The following COL4A2 variants were observed in gnomAD, a reference collection of about 807,000 sequenced individuals.
COL4A2 encodes the protein collagen type IV alpha 2 chain, also known as collagen alpha-2(IV) chain.
A neutral mutation model predicts 200.2 loss-of-function variants in COL4A2; 99 were observed. The observed-to-expected ratio is 0.49, with a 90% CI of 0.42 to 0.58. The LOEUF (loss-of-function observed/expected upper bound fraction) is 0.58. Ranked by LOEUF, COL4A2 falls within the 20% of genes least tolerant of loss-of-function variation. The pLI, the probability that COL4A2 is intolerant of heterozygous loss-of-function variation, is 0.00. For missense variants in COL4A2, 1,950 were observed against 2,314.1 expected, an observed-to-expected ratio of 0.84 and a Z score of 3.23; for synonymous variants, 897 against 900.6, an observed-to-expected ratio of 1.00 and a Z score of 0.07.
At chr13:110,477,300 C>G (rs1406273142) in intron 29 of COL4A2, among the ~76,000 whole-genome samples, 1 of 152,220 alleles carries the variant, frequency 6.6e-6, no homozygotes, top group Non-Finnish European at 1.5e-5. Flanking sequence ...GCGGATCCCC[C>G]GACACCACGT....
intron 4 of COL4A2, among the ~76,000 whole-genome samples, chr13:110,420,902 G>T (rs1359831890): frequency 3.3e-5 from 5 of 152,216 alleles, no homozygotes; most frequent in Non-Finnish European, 7.3e-5. Flanking sequence ...AGCGGAGAGG[G>T]ATCCATCTGG....
intron 34 of COL4A2, among the ~76,000 whole-genome samples, chr13:110,487,625 A>G (rs1237654517): frequency 2.6e-5 from 4 of 152,368 alleles, no homozygotes; most frequent in Admixed American, 6.5e-5. Flanking sequence ...TTATCTGTGC[A>G]TTTTATCTCC....
At position 110,501,796 on chromosome 13, in the gene COL4A2, T is replaced by TTG. The variant is rs1883653102; in HGVS notation, c.3877+13_3877+14insGT. On this transcript the variant is annotated intron_variant, in intron 41 of 47. Transcript: ENST00000360467. ...ATTTGGCCTGAAAGGTAAGCAGGAC[T>TTG]TATACATCTGTGCTTCGACATCTCT... 6.2e-7 allele frequency: 1 copy of TTG among 1,611,488 alleles called. No homozygotes were observed.
At position 110,385,683 on chromosome 13, in the gene COL4A2, G is replaced by A. The variant is rs77734341; in HGVS notation, c.180+28131G>A. 4.0e-4 allele frequency among the ~76,000 whole-genome samples: 21 copies of A among 52,750 alleles called. 1 individual carries two copies. Among genetic ancestry groups the A allele is most frequent in the East Asian group, 1.2e-3 (2 of 1,610 alleles). 34.6% of individuals were successfully genotyped at this position (52,750 alleles called of 152,430 possible). ...GACCGTGGCTGCAGTGTGTGGATAG[G>A]CCGTGGTTACAGTGTGTGGATAGGC... On this transcript the variant is annotated intron_variant, in intron 4 of 47. Coordinates refer to ENST00000360467, the MANE Select transcript of COL4A2 (RefSeq NM_001846.4).
At chr13:110,493,071 ACACCCC>A in intron 38 of COL4A2, 134 bp from the exon 39 acceptor site, 2 of 857,046 alleles carry the variant, frequency 2.3e-6, no homozygotes, top group Non-Finnish European at 3.7e-6. Flanking sequence ...ACGATGAGTG[ACACCCC>A]CATGGGTGAA....
chr13:110,320,833 G>A (rs1457986236), intron 3 of COL4A2, among the ~76,000 whole-genome samples: 1 of 152,096 alleles, frequency 6.6e-6, no homozygotes, highest in African/African-American at 2.4e-5. Flanking sequence ...GAGAACAAAA[G>A]GCTACAACTG....
rs769943102 is a variant in COL4A2, at chr13:110,512,038, C to T, written c.4986C>T (p.Arg1662=). 11 of 1,613,338 alleles carry T rather than the reference C, an allele frequency of 6.8e-6. No individual in the cohort carries two copies. The highest frequency in any genetic ancestry group is 6.7e-5 in the East Asian group (3 of 44,894). The change falls in exon 48 of 48, where the codon CGC becomes CGT. Residue 1662 remains arginine (R), a synonymous_variant. Coordinates refer to ENST00000360467, the MANE Select transcript of COL4A2 (RefSeq NM_001846.4). ...CATTCATCGAATGCAATGGAGGCCG[C>T]GGCACCTGCCACTACTACGCCAACA... ...ATPFIECNGG[R]GTCHYYANKY...
Position 110,452,957 on chromosome 13 carries a change from G to C in COL4A2, c.1339+2503G>C, listed in dbSNP as rs143295102. Among the ~76,000 whole-genome samples the C allele has an allele frequency of 4.9e-3, 741 of 151,894 alleles. 5 individuals are homozygous for C. Among genetic ancestry groups the C allele is most frequent in the African/African-American group, 0.017 (704 of 41,450 alleles). ...ATTTTGTAATTTTGGTAGAGACGGG[G>C]GTTTCACTATGTTGCCCAGGCTGGT... On this transcript the variant is annotated intron_variant, in intron 20 of 47. Transcript: ENST00000360467.
Position 110,512,594 on chromosome 13 carries a change from C to T in COL4A2, c.*403C>T, listed in dbSNP as rs1350352616. ...AGGCAGCCAGCCGTGGCCAGAGGCT[C>T]GAGGGGCTCAGGGCCTCAGGCACCC... is the stretch of plus-strand genomic sequence containing the variant. On this transcript the variant is annotated 3_prime_UTR_variant, in exon 48 of 48. Transcript: ENST00000360467. 4.0e-5 allele frequency: 8 copies of T among 199,358 alleles called. No individual in the cohort carries two copies. The highest frequency in any genetic ancestry group is 1.1e-4 in the Admixed American group (2 of 17,496). 12.3% of individuals were successfully genotyped at this position (199,358 alleles called of 1,614,324 possible).
In COL4A2 at chr13:110,371,127, T is replaced by C. The variant is rs143174692; in HGVS notation, c.180+13575T>C. 1.8e-3 allele frequency among the ~76,000 whole-genome samples: 276 copies of C among 152,364 alleles called. 5 individuals are homozygous for C. The highest frequency in any genetic ancestry group is 6.2e-3 in the African/African-American group (258 of 41,594). Reference sequence around the variant, plus strand: ...CGGTTGATCACAAAGATGAATAAGATGCGTCCTTTAAAACTGGCATTTATG... The same window carrying C: ...CGGTTGATCACAAAGATGAATAAGACGCGTCCTTTAAAACTGGCATTTATG... On this transcript the variant is annotated intron_variant, in intron 4 of 47. Coordinates refer to ENST00000360467, the MANE Select transcript of COL4A2 (RefSeq NM_001846.4).
chr13:110,400,684 TA>T (rs1879342470), intron 4 of COL4A2, among the ~76,000 whole-genome samples: 1 of 152,164 alleles, frequency 6.6e-6, no homozygotes, highest in Non-Finnish European at 1.5e-5. Flanking sequence ...TTGATAAGAT[TA>T]AAAAAGTTGT....
intron 4 of COL4A2, among the ~76,000 whole-genome samples, chr13:110,402,347 G>A (rs949387913): frequency 6.6e-6 from 1 of 152,216 alleles, no homozygotes. Context: ...AAACAGGAAA[G>A]ACTAAAGGAG....
chr13:110,485,104 C>T (rs1406131994), intron 33 of COL4A2, 77 bp downstream of exon 33: 16 of 1,318,134 alleles, frequency 1.2e-5, no homozygotes, highest in Non-Finnish European at 1.6e-5. Context: ...CCTTCTCCGT[C>T]CCCAGAGACG....
intron 3 of COL4A2, among the ~76,000 whole-genome samples, chr13:110,333,730 G>C (rs373017166): frequency 1.3e-5 from 2 of 152,138 alleles, no homozygotes; most frequent in Non-Finnish European, 2.9e-5. Context: ...GTCTGAACTC[G>C]TTGCCATATT....
In COL4A2 at chr13:110,351,826, A is replaced by T. The variant is rs78059569; in HGVS notation, c.100-5646A>T. Among the ~76,000 whole-genome samples the T allele has an allele frequency of 7.5e-3, 1,138 of 152,306 alleles. 7 individuals are homozygous for T. The highest frequency in any genetic ancestry group is 0.013 in the Non-Finnish European group (880 of 68,034). On this transcript the variant is annotated intron_variant, in intron 3 of 47. Transcript: ENST00000360467. ...CATTCATTTGCTGAGGGAAGTAATG[A>T]TTCATCCCCCTAGGCAAACTCCTTC...
At chr13:110,488,569 C>T (rs1883183107) in intron 34 of COL4A2, among the ~76,000 whole-genome samples, 1 of 152,168 alleles carries the variant, frequency 6.6e-6, no homozygotes, top group South Asian at 2.1e-4. Flanking sequence ...GATGGAGGCG[C>T]ACAGCCCCAT....
chr13:110,447,384 C>T (rs1263855840), intron 18 of COL4A2, among the ~76,000 whole-genome samples: 1 of 152,188 alleles, frequency 6.6e-6, no homozygotes, highest in Non-Finnish European at 1.5e-5. Flanking sequence ...AACAACCACT[C>T]CCCACTGTCA....
chr13:110,495,428 G>A lies in COL4A2; in HGVS notation c.3721G>A (p.Val1241Met), dbSNP rs763891268. ...PGEANTLPGP[V>M]GVPGQKGDQG... ...AGAGGCCAACACCCTTCCAGGCCCTGTGGGAGTCCCAGGACAGAAAGGAGA... is the reference window on the plus strand; with the variant it reads ...AGAGGCCAACACCCTTCCAGGCCCTATGGGAGTCCCAGGACAGAAAGGAGA... The change falls in exon 40 of 48, where the codon GTG (valine) becomes ATG (methionine). Residue 1241 changes from valine (V) to methionine (M), a missense_variant. Coordinates refer to ENST00000360467, the MANE Select transcript of COL4A2 (RefSeq NM_001846.4). 3.7e-6 allele frequency: 6 copies of A among 1,613,814 alleles called. No individual in the cohort carries two copies. The highest frequency in any genetic ancestry group is 1.1e-5 in the South Asian group (1 of 91,068).
At chr13:110,495,249 CT>C in intron 39 of COL4A2, 92 bp from the exon 40 acceptor site, 1 of 1,489,234 alleles carries the variant, frequency 6.7e-7, no homozygotes, top group Non-Finnish European at 9.3e-7. Context: ...TGTTTCTTTG[CT>C]TTTGAGGCAC....
Sources: allele counts gnomAD v4.1 joint callset (sites outside exome capture counted in the v4.1 genomes callset), GRCh38; gene constraint gnomAD v4.1.1; transcripts MANE v1.5; gene names NCBI Gene and HGNC (gene_info 2026-07-23, HGNC 2026-07-21).